NLGN1: variants seen among roughly 807,000 people sequenced by gnomAD.
NLGN1 encodes neuroligin 1, also known as neuroligin-1.
In NLGN1, 12 loss-of-function variants were observed where a neutral mutation model predicts 65.5. The ratio of observed to expected loss-of-function variants is 0.18; its 90% confidence interval spans 0.12 to 0.30. The LOEUF is 0.30. NLGN1 is among the 10% of genes least tolerant of loss of function. The pLI is 1.00. For missense variants in NLGN1, 750 were observed against 1,007.1 expected (o/e 0.74, Z 3.46); for synonymous variants, 350 against 359.5 (o/e 0.97, Z 0.30).
chr3:173,403,640 G>T (rs928135113), intron 1 of NLGN1, among the ~76,000 whole-genome samples: 1 of 151,960 alleles, frequency 6.6e-6, no homozygotes, highest in Admixed American at 6.6e-5. Context: ...TCATTCTTTT[G>T]CCTGACTTCA....
At chr3:174,012,969 G>A (rs1024769521) in intron 4 of NLGN1, among the ~76,000 whole-genome samples, 1 of 152,190 alleles carries the variant, frequency 6.6e-6, no homozygotes, top group Non-Finnish European at 1.5e-5. Flanking sequence ...ACAGTGAGGA[G>A]GGAAAGCAGG....
rs73880573 is a variant in NLGN1 at position 173,764,648 on chromosome 3, T to G, written c.494-43032T>G. ...AAATTTCCATTAGTCACAATTAGCA[T>G]AATCTGCATAACTACCTGGTAAGAA... On this transcript the variant is annotated intron_variant, in intron 3 of 6. Coordinates refer to ENST00000457714, the Ensembl canonical transcript of NLGN1. Among the ~76,000 whole-genome samples, 1,233 of 152,242 alleles carry G rather than the reference T, an allele frequency of 8.1e-3. 14 individuals carry two copies. The highest frequency in any genetic ancestry group is 0.028 in the African/African-American group (1,184 of 41,566).
At chr3:174,238,959 T>A (rs769412188) in intron 4 of NLGN1, among the ~76,000 whole-genome samples, 11 of 152,212 alleles carry the variant, frequency 7.2e-5, no homozygotes, top group Non-Finnish European at 1.3e-4. Context: ...TGGTGGAATG[T>A]CTTGGCTTTC....
intron 4 of NLGN1, among the ~76,000 whole-genome samples, chr3:174,184,220 A>G (rs4894648): frequency 0.77 from 117,285 of 151,988 alleles, 45,390 homozygotes; most frequent in African/African-American, 0.81. Flanking sequence ...TAGACCATCA[A>G]CATTATTGTT....
chr3:173,908,250 G>A lies in NLGN1; in HGVS notation c.646+100418G>A, dbSNP rs570203548. On this transcript the variant is annotated intron_variant, in intron 4 of 6. Coordinates refer to ENST00000457714, the Ensembl canonical transcript of NLGN1. ...CACGTATCTAGTGGTTCTTAGCCCA[G>A]AATGGTGCATTAGAACCACCTGGGG... is the stretch of plus-strand genomic sequence containing the variant. 1.3e-4 allele frequency among the ~76,000 whole-genome samples: 20 copies of A among 152,306 alleles called. 1 individual carries two copies. The South Asian group carries it at 4.1e-3, about 32-fold the overall frequency.
intron 4 of NLGN1, among the ~76,000 whole-genome samples, chr3:173,937,818 G>A (rs1745318392): frequency 6.6e-6 from 1 of 152,056 alleles, no homozygotes; most frequent in South Asian, 2.1e-4. Flanking sequence ...AAAATGCAAG[G>A]CAATTTCTCT....
At chr3:173,782,176 T>A (rs1781271707) in intron 3 of NLGN1, among the ~76,000 whole-genome samples, 1 of 152,088 alleles carries the variant, frequency 6.6e-6, no homozygotes, top group Non-Finnish European at 1.5e-5. Context: ...AATCTAACCA[T>A]GTTGCTATGG....
chr3:173,703,989 C>T (rs1401639965), intron 3 of NLGN1, among the ~76,000 whole-genome samples: 1 of 152,170 alleles, frequency 6.6e-6, no homozygotes, highest in Non-Finnish European at 1.5e-5. Flanking sequence ...TATGGTTTTG[C>T]CAATTCAGAT....
intron 4 of NLGN1, among the ~76,000 whole-genome samples, chr3:173,889,133 AT>A (rs753738686): frequency 5.3e-5 from 8 of 152,130 alleles, no homozygotes; most frequent in Non-Finnish European, 1.0e-4. Context: ...TGAAACTGTT[AT>A]TTCTCATCCG....
In NLGN1 at chr3:174,110,516, C is replaced by T. The variant is rs75115137; in HGVS notation, c.647-164799C>T. ...TGCTATTTAACTCTTCAAGCATTTT[C>T]GTTGGGTTTAAGTACATTGTAAAAA... On this transcript the variant is annotated intron_variant, in intron 4 of 6. Coordinates refer to ENST00000457714, the Ensembl canonical transcript of NLGN1. 6.7e-3 allele frequency among the ~76,000 whole-genome samples: 1,023 copies of T among 151,976 alleles called. 9 individuals carry two copies. Among genetic ancestry groups the T allele is most frequent in the African/African-American group, 0.024 (987 of 41,514 alleles).
At chr3:173,414,583 GAA>G (rs34213418) in intron 1 of NLGN1, among the ~76,000 whole-genome samples, 2 of 141,072 alleles carry the variant, frequency 1.4e-5, no homozygotes, top group Admixed American at 1.4e-4. Context: ...ATCTCCATGT[GAA>G]AAAAAAAAAA....
chr3:173,592,288 A>G (rs1258453901), intron 2 of NLGN1, among the ~76,000 whole-genome samples: 1 of 152,178 alleles, frequency 6.6e-6, no homozygotes, highest in Non-Finnish European at 1.5e-5. Context: ...ATAACAAAAT[A>G]AAGAAGAAGC....
chr3:173,605,242 T>A lies in NLGN1; in HGVS notation c.493+151T>A, dbSNP rs80343230. 762 of 659,404 alleles carry A rather than the reference T, an allele frequency of 1.2e-3. 2 individuals are homozygous for A. In the African/African-American group the frequency reaches 0.012, roughly 11 times the overall value. 40.8% of individuals were successfully genotyped at this position (659,404 alleles called of 1,614,324 possible). On this transcript the variant is annotated intron_variant, in intron 3 of 6. Transcript: ENST00000457714. ...TTACATGCGTGCATGGTGCTCTTTT[T>A]GTTTATGTGTGTCAGTGTATCTGTA...
intron 4 of NLGN1, among the ~76,000 whole-genome samples, chr3:173,971,359 A>G (rs1716190264): frequency 6.6e-6 from 1 of 152,204 alleles, no homozygotes; most frequent in Middle Eastern, 3.4e-3. Context: ...ATCAAGTTTC[A>G]GTGGAATAGG....
chr3:173,767,675 A>G (rs1778980340), intron 3 of NLGN1, among the ~76,000 whole-genome samples: 1 of 152,090 alleles, frequency 6.6e-6, no homozygotes, highest in African/African-American at 2.4e-5. Context: ...TGTTTACTGT[A>G]TAAGTACAGG....
intron 4 of NLGN1, among the ~76,000 whole-genome samples, chr3:174,255,637 CTATTTATTTATTTATT>C (rs140772917): frequency 9.1e-4 from 129 of 141,942 alleles, no homozygotes; most frequent in African/African-American, 3.2e-3. Flanking sequence ...TTCTTTTCTT[CTATTTATTTATTTATT>C]TATTTATTTA....
At chr3:173,986,134 A>G (rs1258317530) in intron 4 of NLGN1, among the ~76,000 whole-genome samples, 2 of 152,144 alleles carry the variant, frequency 1.3e-5, no homozygotes, top group East Asian at 1.9e-4. Context: ...ACGGGAGTAG[A>G]GTGGATCCAT....
At chr3:173,688,118 G>A (rs1764937803) in intron 3 of NLGN1, among the ~76,000 whole-genome samples, 2 of 152,154 alleles carry the variant, frequency 1.3e-5, no homozygotes, top group Admixed American at 1.3e-4. Context: ...GATACTGCTG[G>A]TCATGTGCCT....
intron 3 of NLGN1, among the ~76,000 whole-genome samples, chr3:173,747,714 T>A (rs577211937): frequency 1.3e-5 from 2 of 151,376 alleles, no homozygotes; most frequent in South Asian, 4.2e-4. Context: ...TTGAAAGTCT[T>A]GTTCATTTAG....
Sources: gnomAD v4.1 joint callset for allele counts (sites outside exome capture counted in the v4.1 genomes callset) on GRCh38, gnomAD v4.1.1 for gene constraint, MANE v1.5 for transcripts, NCBI Gene and HGNC (gene_info 2026-07-23, HGNC 2026-07-21) for gene names.